Variants in PSMD14 observed in about 807,000 individuals in gnomAD.
PSMD14 encodes the protein ubiquitin C-terminal hydrolase PSMD14.
In PSMD14, 7 loss-of-function variants were observed where a neutral mutation model predicts 41.2. The observed-to-expected ratio is 0.17, with a 90% CI of 0.10 to 0.32. PSMD14 has a LOEUF of 0.32. Among genes scored for constraint, PSMD14 ranks in the 10% least tolerant of loss-of-function variants. The pLI, the probability that PSMD14 is intolerant of heterozygous loss-of-function variation, is 1.00. For missense variants in PSMD14, 139 were observed against 375.6 expected, an observed-to-expected ratio of 0.37 and a Z score of 5.21; for synonymous variants, 114 against 122.3, an observed-to-expected ratio of 0.93 and a Z score of 0.45.
intron 3 of PSMD14, among the ~76,000 whole-genome samples, chr2:161,349,651 TA>T (rs1011583510): frequency 6.6e-6 from 1 of 152,172 alleles, no homozygotes; most frequent in Non-Finnish European, 1.5e-5. Context: ...GCCAAACCCT[TA>T]CAGAGTGTTT....
chr2:161,311,867 G>A (rs773532769), intron 1 of PSMD14, among the ~76,000 whole-genome samples: 3 of 151,662 alleles, frequency 2.0e-5, no homozygotes, highest in Admixed American at 6.6e-5. Flanking sequence ...CAACCGCCTC[G>A]GCCTCCCAAA....
intron 6 of PSMD14, among the ~76,000 whole-genome samples, chr2:161,370,425 T>A (rs1170930008): frequency 6.6e-6 from 1 of 152,146 alleles, no homozygotes; most frequent in Non-Finnish European, 1.5e-5. Flanking sequence ...AAGCTTGGGC[T>A]GTAGCTTCCC....
intron 2 of PSMD14, among the ~76,000 whole-genome samples, chr2:161,317,007 A>G (rs1336748528): frequency 2.6e-5 from 4 of 152,064 alleles, no homozygotes; most frequent in Admixed American, 2.6e-4. Flanking sequence ...TGTATACTGT[A>G]TGTTGTTTGT....
intron 3 of PSMD14, among the ~76,000 whole-genome samples, chr2:161,361,970 CTTCT>C (rs1683295289): frequency 2.6e-5 from 4 of 152,024 alleles, no homozygotes; most frequent in Admixed American, 2.6e-4. Context: ...GTATTTTTTT[CTTCT>C]TTCTTGATTT....
intron 1 of PSMD14, 121 bp from the exon 2 acceptor site, chr2:161,316,316 A>C (rs1689148047): frequency 6.6e-6 from 1 of 152,226 alleles, no homozygotes; most frequent in Non-Finnish European, 1.5e-5. Context: ...AAGATTATTA[A>C]AAAACAGTTT....
chr2:161,311,625 CTTTTTT>C (rs34635738), intron 1 of PSMD14, among the ~76,000 whole-genome samples: 1 of 58,534 alleles, frequency 1.7e-5, no homozygotes, highest in Non-Finnish European at 3.1e-5. Flanking sequence ...CTCACTCTTC[CTTTTTT>C]TTTTTTTTTT....
intron 2 of PSMD14, 96 bp from the exon 3 acceptor site, chr2:161,318,726 T>G: frequency 1.1e-6 from 1 of 881,782 alleles, no homozygotes; most frequent in Non-Finnish European, 1.8e-6. Context: ...ACCAATATTT[T>G]TGACATACTG....
intron 3 of PSMD14, among the ~76,000 whole-genome samples, chr2:161,325,313 TA>T (rs1201805120): frequency 1.3e-5 from 2 of 151,662 alleles, no homozygotes; most frequent in Non-Finnish European, 2.9e-5. Context: ...GGTGGCTAGA[TA>T]AAAAAAAATT....
intron 11 of PSMD14, 47 bp from the exon 12 acceptor site, chr2:161,411,254 AC>A: frequency 7.8e-7 from 1 of 1,283,100 alleles, no homozygotes; most frequent in Non-Finnish European, 1.1e-6. Flanking sequence ...TAATTTATCT[AC>A]CAGTAATATG....
At position 161,388,558 on chromosome 2, in the gene PSMD14, T is replaced by A. The variant is rs145501397; in HGVS notation, c.571-2546T>A. ...TCCTCTTTTGCCTTCTGCAACTCAG[T>A]TCTCCACTCTAGAGGGAACCACAAA... On this transcript the variant is annotated intron_variant, in intron 8 of 11. Coordinates refer to ENST00000409682, the MANE Select transcript of PSMD14 (RefSeq NM_005805.6). Among the ~76,000 whole-genome samples the A allele has an allele frequency of 2.4e-3, 369 of 152,226 alleles. 1 individual carries two copies. The highest frequency in any genetic ancestry group is 8.3e-3 in the African/African-American group (343 of 41,568).
rs988561125 is a variant in PSMD14 at position 161,350,862 on chromosome 2, T to A, written c.49-16616T>A. Among the ~76,000 whole-genome samples the A allele has an allele frequency of 4.4e-4, 65 of 147,702 alleles. 1 individual carries two copies. The highest frequency in any genetic ancestry group is 4.7e-4 in the Admixed American group (7 of 14,976). On this transcript the variant is annotated intron_variant, in intron 3 of 11. Coordinates refer to ENST00000409682, the MANE Select transcript of PSMD14 (RefSeq NM_005805.6). ...GCCTAAGGCAAAACCTGCAATCATA[T>A]TGTACTTCTCCATTTCCCCCAAGTG...
chr2:161,376,361 G>A (rs1351582369), intron 7 of PSMD14, among the ~76,000 whole-genome samples: 1 of 151,608 alleles, frequency 6.6e-6, no homozygotes, highest in African/African-American at 2.4e-5. Flanking sequence ...TGTCATATTA[G>A]GAGGTGTGCA....
intron 8 of PSMD14, among the ~76,000 whole-genome samples, chr2:161,390,683 G>A (rs1249070317): frequency 6.6e-6 from 1 of 152,094 alleles, no homozygotes; most frequent in Admixed American, 6.6e-5. Flanking sequence ...AGGAAAAGGG[G>A]AATTCCAGAT....
chr2:161,329,929 G>A (rs1682760888), intron 3 of PSMD14, among the ~76,000 whole-genome samples: 1 of 152,140 alleles, frequency 6.6e-6, no homozygotes, highest in Admixed American at 6.5e-5. Context: ...CTCAAATCTA[G>A]TCTTGAGGGT....
At chr2:161,353,733 A>G (rs1683152307) in intron 3 of PSMD14, among the ~76,000 whole-genome samples, 1 of 152,108 alleles carries the variant, frequency 6.6e-6, no homozygotes, top group Non-Finnish European at 1.5e-5. Flanking sequence ...CCTGCCTTCT[A>G]CTTTGTAAAC....
At chr2:161,310,004 T>TA (rs1165789455) in intron 1 of PSMD14, among the ~76,000 whole-genome samples, 9 of 151,972 alleles carry the variant, frequency 5.9e-5, no homozygotes, top group African/African-American at 4.8e-5. Context: ...ACTAAAAGTA[T>TA]AAAAAAATCA....
At chr2:161,357,448 T>A (rs1261389592) in intron 3 of PSMD14, among the ~76,000 whole-genome samples, 1 of 152,164 alleles carries the variant, frequency 6.6e-6, no homozygotes, top group Non-Finnish European at 1.5e-5. Flanking sequence ...AGGTATGGAT[T>A]TTCCCCCTTT....
At chr2:161,391,282 T>G (rs1365969192) in intron 9 of PSMD14, 104 bp downstream of exon 9, 3 of 1,145,114 alleles carry the variant, frequency 2.6e-6, no homozygotes, top group Non-Finnish European at 3.5e-6. Context: ...CCTCTTTCAG[T>G]GTTTCCAAAT....
At chr2:161,345,968 T>C (rs916790412) in intron 3 of PSMD14, among the ~76,000 whole-genome samples, 8 of 152,204 alleles carry the variant, frequency 5.3e-5, no homozygotes, top group Admixed American at 5.2e-4. Context: ...CACAGCTCAC[T>C]GCAGCCTTGA....
Sources: gnomAD v4.1 joint callset for allele counts (sites outside exome capture counted in the v4.1 genomes callset) on GRCh38, gnomAD v4.1.1 for gene constraint, MANE v1.5 for transcripts, NCBI Gene and HGNC (gene_info 2026-07-23, HGNC 2026-07-21) for gene names.